SPAG6: variants seen among roughly 807,000 people sequenced by gnomAD.
SPAG6 encodes sperm associated antigen 6.
In SPAG6, 49 loss-of-function variants were observed where a neutral mutation model predicts 58.5. The observed-to-expected ratio is 0.84, with a 90% CI of 0.67 to 1.06. SPAG6 has a LOEUF of 1.06. Among genes scored for constraint, SPAG6 ranks in the 50% least tolerant of loss-of-function variants. SPAG6 has a pLI of 0.00. For missense variants in SPAG6, 560 were observed against 611.3 expected, an observed-to-expected ratio of 0.92 and a Z score of 0.89; for synonymous variants, 233 against 225.6, an observed-to-expected ratio of 1.03 and a Z score of -0.29.
At chr10:22,411,600 C>T (rs928621284) in intron 10 of SPAG6, 1 of 152,596 alleles carries the variant, frequency 6.6e-6, no homozygotes, top group African/African-American at 2.4e-5. Context: ...TGAGTAACAA[C>T]AAAAAAGTTA....
intron 9 of SPAG6, among the ~76,000 whole-genome samples, chr10:22,405,517 T>C (rs1197163096): frequency 1.3e-5 from 2 of 149,884 alleles, no homozygotes; most frequent in African/African-American, 4.9e-5. Flanking sequence ...AGCTTTTTGA[T>C]GTGCTGCTGG....
intron 10 of SPAG6, among the ~76,000 whole-genome samples, chr10:22,412,050 CGT>C (rs1355351781): frequency 6.6e-6 from 1 of 151,902 alleles, no homozygotes; most frequent in Non-Finnish European, 1.5e-5. Context: ...GGGGTTTCAC[CGT>C]GTTAGCCAGG....
intron 10 of SPAG6, chr10:22,413,104 C>A: frequency 6.9e-6 from 1 of 144,044 alleles, no homozygotes. Context: ...AAAGTGTCCC[C>A]AGAATGAATG....
chr10:22,402,794 T>C (rs942510622), intron 9 of SPAG6, among the ~76,000 whole-genome samples: 1 of 152,188 alleles, frequency 6.6e-6, no homozygotes, highest in Non-Finnish European at 1.5e-5. Flanking sequence ...TTGTATACTT[T>C]TGGGTGCTAA....
chr10:22,360,848 G>A, intron 2 of SPAG6: 1 of 1,527,824 alleles, frequency 6.5e-7, no homozygotes, highest in Non-Finnish European at 8.8e-7. Context: ...TGGATCTCTG[G>A]ATACCTAATG....
intron 3 of SPAG6, among the ~76,000 whole-genome samples, chr10:22,367,343 A>G (rs990001870): frequency 2.0e-5 from 3 of 152,138 alleles, no homozygotes; most frequent in Non-Finnish European, 4.4e-5. Context: ...AATTTAAGAA[A>G]CTAAAGAAAA....
chr10:22,378,729 G>T (rs898572880), intron 4 of SPAG6, among the ~76,000 whole-genome samples: 1 of 152,074 alleles, frequency 6.6e-6, no homozygotes, highest in African/African-American at 2.4e-5. Context: ...TGTTGTTCAA[G>T]GCTATAACCA....
chr10:22,371,961 A>C (rs1307039607), intron 4 of SPAG6, among the ~76,000 whole-genome samples: 1 of 152,110 alleles, frequency 6.6e-6, no homozygotes, highest in Non-Finnish European at 1.5e-5. Context: ...TTTATGATTG[A>C]ATCACCAGTT....
At chr10:22,381,319 C>T (rs775481714) in intron 4 of SPAG6, among the ~76,000 whole-genome samples, 11 of 141,404 alleles carry the variant, frequency 7.8e-5, no homozygotes, top group Middle Eastern at 3.2e-3. Flanking sequence ...TATGTTGTCT[C>T]ACACAGTGTT....
intron 2 of SPAG6, among the ~76,000 whole-genome samples, chr10:22,355,546 C>T (rs1282820222): frequency 6.6e-6 from 1 of 152,150 alleles, no homozygotes; most frequent in Non-Finnish European, 1.5e-5. Context: ...ATAATAGTTT[C>T]TTGAATTATT....
chr10:22,352,698 A>G (rs11012961), intron 2 of SPAG6, among the ~76,000 whole-genome samples: 7,318 of 152,196 alleles, frequency 0.048, 586 homozygotes, highest in African/African-American at 0.17. Flanking sequence ...TTGTATTTTT[A>G]GTAGAGACGA....
chr10:22,358,835 T>G (rs1364079296), intron 2 of SPAG6, among the ~76,000 whole-genome samples: 1 of 152,196 alleles, frequency 6.6e-6, no homozygotes, highest in Non-Finnish European at 1.5e-5. Context: ...TTCTTTAGCA[T>G]TTTTATTTAT....
chr10:22,397,761 C>G (rs963783772), intron 8 of SPAG6, among the ~76,000 whole-genome samples: 1 of 152,040 alleles, frequency 6.6e-6, no homozygotes, highest in African/African-American at 2.4e-5. Context: ...TAAAACATTA[C>G]TTAAAAAATA....
At chr10:22,370,573 C>T (rs1833661129) in intron 4 of SPAG6, among the ~76,000 whole-genome samples, 1 of 152,068 alleles carries the variant, frequency 6.6e-6, no homozygotes. Flanking sequence ...AGAGGCTTTC[C>T]TATGGTTATA....
At chr10:22,346,499 TCTTCTTCTTC>T (rs1564357403) in intron 2 of SPAG6, among the ~76,000 whole-genome samples, 9 of 126,186 alleles carry the variant, frequency 7.1e-5, no homozygotes, top group African/African-American at 2.7e-4. Flanking sequence ...TCTTCTTCTT[TCTTCTTCTTC>T]TTCCTCTTCT....
chr10:22,398,408 A>T (rs1564377024), intron 8 of SPAG6, among the ~76,000 whole-genome samples: 1 of 122,156 alleles, frequency 8.2e-6, no homozygotes, highest in Non-Finnish European at 1.6e-5. Context: ...TCATCAAGAT[A>T]AAAAAAAATC....
intron 3 of SPAG6, among the ~76,000 whole-genome samples, chr10:22,366,973 C>G (rs1360805627): frequency 1.3e-5 from 2 of 151,474 alleles, no homozygotes; most frequent in Middle Eastern, 6.4e-3. Flanking sequence ...ATTTAATCTC[C>G]TCTTTATGAG....
At chr10:22,372,054 C>T (rs1023586087) in intron 4 of SPAG6, among the ~76,000 whole-genome samples, 1 of 152,152 alleles carries the variant, frequency 6.6e-6, no homozygotes, top group South Asian at 2.1e-4. Flanking sequence ...TCCTTAGTGA[C>T]AGCTGAGGTA....
At chr10:22,349,010 G>A (rs1423925291) in intron 2 of SPAG6, among the ~76,000 whole-genome samples, 1 of 151,702 alleles carries the variant, frequency 6.6e-6, no homozygotes, top group Non-Finnish European at 1.5e-5. Context: ...TTTTTGTTTT[G>A]TTTTGTTTTG....
Sources: gnomAD v4.1 joint callset for allele counts (sites outside exome capture counted in the v4.1 genomes callset) on GRCh38, gnomAD v4.1.1 for gene constraint, MANE v1.5 for transcripts, NCBI Gene and HGNC (gene_info 2026-07-23, HGNC 2026-07-21) for gene names.